The following DPP6 variants were observed in gnomAD, a reference collection of about 807,000 sequenced individuals.
The protein encoded by DPP6 is dipeptidyl peptidase like 6.
DPP6 carries 69 observed loss-of-function variants against 122.6 expected under a neutral mutation model. That is an observed-to-expected ratio of 0.56 (90% CI 0.46 to 0.69). The LOEUF (loss-of-function observed/expected upper bound fraction) is 0.69. Among genes scored for constraint, DPP6 ranks in the 30% least tolerant of loss-of-function variants. The pLI is 0.00. For missense variants in DPP6, 928 were observed against 1,116.9 expected (o/e 0.83, Z 2.41); for synonymous variants, 418 against 433.1 (o/e 0.97, Z 0.43).
intron 1 of DPP6, among the ~76,000 whole-genome samples, chr7:154,368,486 C>T (rs565569530): frequency 4.6e-5 from 7 of 152,314 alleles, no homozygotes; most frequent in South Asian, 2.1e-4. Flanking sequence ...GCAGCGCTTG[C>T]GGCTGCAGTG....
At chr7:154,082,638 C>T (rs1007722016) in intron 1 of DPP6, among the ~76,000 whole-genome samples, 2 of 151,928 alleles carry the variant, frequency 1.3e-5, no homozygotes, top group African/African-American at 2.4e-5. Context: ...GTAACCACCG[C>T]CTGTGGACCC....
chr7:153,844,710 C>T, the DPP6 span, among the ~76,000 whole-genome samples: 19 of 152,276 alleles, frequency 1.2e-4, no homozygotes, highest in African/African-American at 4.6e-4. Context: ...TATTGGAAGA[C>T]TCTTATGATA....
At chr7:154,692,083 G>C (rs1839962850) in intron 7 of DPP6, among the ~76,000 whole-genome samples, 1 of 152,146 alleles carries the variant, frequency 6.6e-6, no homozygotes, top group Non-Finnish European at 1.5e-5. Flanking sequence ...TGCTGTGAAG[G>C]TTAAAGGCAA....
intron 1 of DPP6, among the ~76,000 whole-genome samples, chr7:154,371,462 T>A (rs1316265152): frequency 2.2e-5 from 3 of 138,518 alleles, no homozygotes; most frequent in Non-Finnish European, 3.1e-5. Flanking sequence ...TGAAAAAATA[T>A]CACCTCCTCC....
chr7:154,817,915 A>G (rs1799524604), intron 16 of DPP6, among the ~76,000 whole-genome samples: 1 of 152,100 alleles, frequency 6.6e-6, no homozygotes, highest in Non-Finnish European at 1.5e-5. Context: ...ACCCACAGTC[A>G]TGGGGGAGCA....
intron 1 of DPP6, among the ~76,000 whole-genome samples, chr7:154,330,560 C>T (rs900843247): frequency 3.3e-5 from 5 of 152,168 alleles, no homozygotes; most frequent in African/African-American, 1.2e-4. Flanking sequence ...CCTGTCTTTA[C>T]GAACGGACTG....
intron 1 of DPP6, among the ~76,000 whole-genome samples, chr7:154,117,374 G>C (rs966654895): frequency 1.3e-5 from 2 of 152,096 alleles, no homozygotes; most frequent in African/African-American, 2.4e-5. Flanking sequence ...GTCCTGTCTT[G>C]TTCTTCTCCT....
the DPP6 span, among the ~76,000 whole-genome samples, chr7:153,811,860 A>T: frequency 6.6e-6 from 1 of 152,136 alleles, no homozygotes; most frequent in Non-Finnish European, 1.5e-5. Context: ...ACAGATGATG[A>T]GATTTTATAG....
intron 7 of DPP6, among the ~76,000 whole-genome samples, chr7:154,688,183 C>T (rs796199653): frequency 2.5e-4 from 38 of 152,310 alleles, no homozygotes; most frequent in African/African-American, 8.9e-4. Flanking sequence ...CTCATGCACA[C>T]ACACAATTTA....
the DPP6 span, among the ~76,000 whole-genome samples, chr7:153,848,255 C>T: frequency 1.3e-5 from 2 of 150,148 alleles, 1 homozygote; most frequent in Non-Finnish European, 3.0e-5. Context: ...ACCAATCCCC[C>T]AACCCCTACC....
rs148771058 is a variant in DPP6, at chr7:154,136,026, C to T, written c.243+82963C>T. Reference sequence around the variant, plus strand: ...ATTCTCACCTGCACAATCACTCTTGCTCTTGGGGTTCTTGCACATGATTCT... The same window carrying T: ...ATTCTCACCTGCACAATCACTCTTGTTCTTGGGGTTCTTGCACATGATTCT... On this transcript the variant is annotated intron_variant, in intron 1 of 25. Coordinates refer to ENST00000377770, the MANE Select transcript of DPP6 (RefSeq NM_130797.4). 4.9e-3 allele frequency among the ~76,000 whole-genome samples: 754 copies of T among 152,346 alleles called. 5 individuals carry two copies. Among genetic ancestry groups the T allele is most frequent in the African/African-American group, 0.017 (721 of 41,582 alleles).
At chr7:154,348,648 T>C (rs931537014) in intron 1 of DPP6, among the ~76,000 whole-genome samples, 2 of 152,196 alleles carry the variant, frequency 1.3e-5, no homozygotes, top group Non-Finnish European at 2.9e-5. Context: ...GTTCATTTCA[T>C]TATCGTCACT....
intron 1 of DPP6, among the ~76,000 whole-genome samples, chr7:154,308,537 T>G (rs1806573774): frequency 6.6e-6 from 1 of 152,174 alleles, no homozygotes; most frequent in Non-Finnish European, 1.5e-5. Context: ...CCTTTGGCTC[T>G]GAAGCCAATC....
chr7:154,566,780 T>C (rs1830777823), intron 4 of DPP6, 62 bp from the exon 5 acceptor site: 3 of 944,876 alleles, frequency 3.2e-6, no homozygotes, highest in African/African-American at 1.7e-5. Flanking sequence ...TACAATTTTA[T>C]TATAAGATTC....
At chr7:154,363,346 C>T (rs1811893055) in intron 1 of DPP6, among the ~76,000 whole-genome samples, 1 of 152,206 alleles carries the variant, frequency 6.6e-6, no homozygotes, top group Non-Finnish European at 1.5e-5. Context: ...CAGTTTTATT[C>T]CAGTTTGTCC....
chr7:154,661,911 C>T (rs1446923701), intron 6 of DPP6, among the ~76,000 whole-genome samples: 3 of 119,264 alleles, frequency 2.5e-5, no homozygotes, highest in Non-Finnish European at 3.5e-5. Context: ...AGTGTTCACG[C>T]AGTCATGGTG....
chr7:153,770,075 G>C, the DPP6 span, among the ~76,000 whole-genome samples: 1 of 152,178 alleles, frequency 6.6e-6, no homozygotes, highest in South Asian at 2.1e-4. Context: ...TGCTGCCTGA[G>C]GGAGGGGAGA....
At position 153,933,432 on chromosome 7, in the gene DPP6, A is replaced by G. The variant is rs376478176; in HGVS notation, c.51+45698A>G. On this transcript the variant is annotated intron_variant, in intron 1 of 25. Transcript: ENST00000404039. ...AAACCTTTGTCTATGTTTATTTATA[A>G]TAACTAGAAGGAAAAACAGTACAAG... Among the ~76,000 whole-genome samples, 46 of 152,314 alleles carry G rather than the reference A, an allele frequency of 3.0e-4. No homozygotes were observed. In the East Asian group the frequency reaches 6.6e-3, roughly 22 times the overall value.
intron 1 of DPP6, among the ~76,000 whole-genome samples, chr7:153,974,943 C>T (rs1796216768): frequency 6.6e-6 from 1 of 152,198 alleles, no homozygotes; most frequent in Non-Finnish European, 1.5e-5. Flanking sequence ...GCTAATCCTT[C>T]CTAATGCGCT....
Sources: allele counts gnomAD v4.1 joint callset (sites outside exome capture counted in the v4.1 genomes callset), GRCh38; gene constraint gnomAD v4.1.1; transcripts MANE v1.5; gene names NCBI Gene and HGNC (gene_info 2026-07-23, HGNC 2026-07-21).